The following AMPH variants were observed in gnomAD, a reference collection of about 807,000 sequenced individuals.
AMPH encodes amphiphysin, also known as amphiphysin (Stiff-Mann syndrome with breast cancer 128kD autoantigen).
Under a neutral mutation model 99.1 loss-of-function variants are expected in AMPH, and 49 were observed. The ratio of observed to expected loss-of-function variants is 0.49; its 90% CI spans 0.39 to 0.63. The LOEUF is 0.63. AMPH is among the 20% of genes least tolerant of loss of function. AMPH has a pLI of 0.00. For synonymous variants in AMPH, 314 were observed against 317.3 expected (o/e 0.99, Z 0.11); for missense variants, 759 against 863.4 (o/e 0.88, Z 1.52).
chr7:38,391,107 A>G (rs1433148236), intron 19 of AMPH, among the ~76,000 whole-genome samples: 1 of 152,182 alleles, frequency 6.6e-6, no homozygotes, highest in Non-Finnish European at 1.5e-5. Context: ...TTCAGATTCT[A>G]TCAGGAAACA....
intron 5 of AMPH, among the ~76,000 whole-genome samples, chr7:38,485,603 C>T (rs1269766741): frequency 3.9e-5 from 6 of 151,924 alleles, no homozygotes; most frequent in Non-Finnish European, 7.4e-5. Context: ...AAACAGTAGA[C>T]CTGAGCAACT....
chr7:38,598,928 C>A (rs1009217549), intron 1 of AMPH, among the ~76,000 whole-genome samples: 2 of 151,986 alleles, frequency 1.3e-5, no homozygotes, highest in Non-Finnish European at 2.9e-5. Context: ...TTATCTTTTC[C>A]TGTATAACAT....
At chr7:38,502,764 T>C (rs964130611) in intron 3 of AMPH, among the ~76,000 whole-genome samples, 4 of 152,176 alleles carry the variant, frequency 2.6e-5, no homozygotes, top group African/African-American at 9.7e-5. Context: ...TCTGGGTCCC[T>C]TCTTCGGCCC....
intron 17 of AMPH, among the ~76,000 whole-genome samples, chr7:38,409,004 G>T (rs1437193080): frequency 6.6e-6 from 1 of 152,174 alleles, no homozygotes; most frequent in Non-Finnish European, 1.5e-5. Context: ...CCCATGGCTG[G>T]AAGGACCATA....
At chr7:38,441,803 T>TATCATATATATC (rs1584096578) in intron 11 of AMPH, among the ~76,000 whole-genome samples, 41 of 64,280 alleles carry the variant, frequency 6.4e-4, no homozygotes, top group African/African-American at 2.6e-3. Context: ...ATATATCATA[T>TATCATATATATC]ATATATCATA....
At chr7:38,451,188 T>C (rs1584108985) in intron 11 of AMPH, among the ~76,000 whole-genome samples, 1 of 152,018 alleles carries the variant, frequency 6.6e-6, no homozygotes. Flanking sequence ...TCACCATGTC[T>C]GGCCCCAAAA....
At chr7:38,602,330 T>C (rs1368659251) in intron 1 of AMPH, among the ~76,000 whole-genome samples, 2 of 152,164 alleles carry the variant, frequency 1.3e-5, no homozygotes, top group African/African-American at 2.4e-5. Flanking sequence ...ACCACAAACT[T>C]TGTGGCTGGA....
At chr7:38,611,696 A>G (rs980806840) in intron 1 of AMPH, among the ~76,000 whole-genome samples, 1 of 152,222 alleles carries the variant, frequency 6.6e-6, no homozygotes, top group Admixed American at 6.5e-5. Context: ...GCAGCCCAGC[A>G]GAAATTAAAC....
At chr7:38,422,554 G>GTATCTATCTATCTATCTATC (rs57006229) in intron 15 of AMPH, 77 bp from the exon 16 acceptor site, 7 of 785,086 alleles carry the variant, frequency 8.9e-6, no homozygotes, top group East Asian at 2.9e-5. Flanking sequence ...GTCTGCCTAC[G>GTATCTATCTATCTATCTATC]TATCTATCTA....
intron 11 of AMPH, 90 bp from the exon 12 acceptor site, chr7:38,436,478 A>G (rs959538937): frequency 3.2e-6 from 3 of 939,656 alleles, no homozygotes; most frequent in African/African-American, 3.3e-5. Context: ...TCTCTCTAAT[A>G]TTATTATTGA....
At chr7:38,421,401 G>A (rs1160759766) in intron 16 of AMPH, among the ~76,000 whole-genome samples, 2 of 152,164 alleles carry the variant, frequency 1.3e-5, no homozygotes, top group Non-Finnish European at 2.9e-5. Context: ...GAGCTTCACT[G>A]GCTCCATTAC....
At chr7:38,491,749 G>C (rs931174077) in intron 4 of AMPH, among the ~76,000 whole-genome samples, 1 of 152,158 alleles carries the variant, frequency 6.6e-6, no homozygotes, top group African/African-American at 2.4e-5. Context: ...ATACAGAAGA[G>C]GACACTGAAG....
chr7:38,608,427 C>A (rs1017198498), intron 1 of AMPH, among the ~76,000 whole-genome samples: 1 of 152,176 alleles, frequency 6.6e-6, no homozygotes, highest in Non-Finnish European at 1.5e-5. Context: ...TATCTCTCCT[C>A]TCTGCCCCCT....
At chr7:38,395,026 G>A (rs375740046) in intron 17 of AMPH, among the ~76,000 whole-genome samples, 20 of 152,128 alleles carry the variant, frequency 1.3e-4, no homozygotes, top group African/African-American at 4.3e-4. Flanking sequence ...GCCTCTCCAT[G>A]ACTAAGACGT....
At chr7:38,484,340 T>G (rs895340725) in intron 5 of AMPH, among the ~76,000 whole-genome samples, 8 of 152,214 alleles carry the variant, frequency 5.3e-5, no homozygotes, top group Admixed American at 3.3e-4. Flanking sequence ...AAGACAAATA[T>G]GGAATTTCAA....
chr7:38,466,090 A>T, intron 8 of AMPH, 83 bp downstream of exon 8: 1 of 1,093,250 alleles, frequency 9.1e-7, no homozygotes, highest in Non-Finnish European at 1.4e-6. Context: ...TTCTTTGGAT[A>T]ATTCTATCCC....
At chr7:38,577,444 T>C (rs952229302) in intron 1 of AMPH, among the ~76,000 whole-genome samples, 2 of 152,230 alleles carry the variant, frequency 1.3e-5, no homozygotes, top group Non-Finnish European at 2.9e-5. Context: ...ATTACCATTG[T>C]GGTTTAGATT....
At chr7:38,450,808 C>T (rs771772993) in intron 11 of AMPH, among the ~76,000 whole-genome samples, 5 of 152,044 alleles carry the variant, frequency 3.3e-5, no homozygotes, top group Non-Finnish European at 5.9e-5. Context: ...AATATTTGCT[C>T]AGGGCCATAA....
chr7:38,582,435 C>G (rs1792500992), intron 1 of AMPH, among the ~76,000 whole-genome samples: 2 of 152,128 alleles, frequency 1.3e-5, no homozygotes, highest in Non-Finnish European at 2.9e-5. Flanking sequence ...CCAGGCACCC[C>G]TGAGGGGTTC....
Sources: gnomAD v4.1 joint callset for allele counts (sites outside exome capture counted in the v4.1 genomes callset) on GRCh38, gnomAD v4.1.1 for gene constraint, MANE v1.5 for transcripts, NCBI Gene and HGNC (gene_info 2026-07-23, HGNC 2026-07-21) for gene names.